TMEM278: variants seen among roughly 807,000 people sequenced by gnomAD.
TMEM278 encodes the protein transmembrane protein 278.
the TMEM278 span, among the ~76,000 whole-genome samples, chr1:1,428,738 C>T: frequency 2.6e-5 from 4 of 152,154 alleles, no homozygotes; most frequent in African/African-American, 7.2e-5. Flanking sequence ...CGGTGGCTCA[C>T]GCCTGTAATC....
the TMEM278 span, among the ~76,000 whole-genome samples, chr1:1,429,425 CTT>C: frequency 2.0e-5 from 3 of 151,204 alleles, no homozygotes; most frequent in Non-Finnish European, 2.9e-5. Context: ...TTTATGGTCT[CTT>C]GATACATGCT....
At chr1:1,427,978 A>G in the TMEM278 span, among the ~76,000 whole-genome samples, 1 of 107,360 alleles carries the variant, frequency 9.3e-6, no homozygotes, top group Admixed American at 9.6e-5. Context: ...GGAGGGGAAG[A>G]GAGGGGAGGG....
chr1:1,430,032 T>A, the TMEM278 span, among the ~76,000 whole-genome samples: 1 of 152,172 alleles, frequency 6.6e-6, no homozygotes, highest in Non-Finnish European at 1.5e-5. Flanking sequence ...TAATTTTAAA[T>A]TTTTTTGTAG....
chr1:1,427,793 C>G, the TMEM278 span: 25 of 1,377,784 alleles, frequency 1.8e-5, no homozygotes, highest in Non-Finnish European at 2.3e-5. Flanking sequence ...TGTGACCCGG[C>G]GGCCGCTGCG....
chr1:1,427,167 C>T, the TMEM278 span, among the ~76,000 whole-genome samples: 1 of 148,840 alleles, frequency 6.7e-6, no homozygotes, highest in Admixed American at 6.7e-5. Flanking sequence ...TCCTCTCTCC[C>T]GCCCTGCACC....
the TMEM278 span, chr1:1,426,207 G>A: frequency 1.4e-6 from 2 of 1,413,650 alleles, no homozygotes; most frequent in East Asian, 2.8e-5. Context: ...CTGCCCCGGG[G>A]ACCTCCCGAC....
the TMEM278 span, chr1:1,427,929 T>TCCCCCGCCCGCAGCCCCGCCCC: frequency 1.7e-6 from 1 of 577,238 alleles, no homozygotes; most frequent in African/African-American, 2.9e-5. Context: ...GACCCCGGCC[T>TCCCCCGCCCGCAGCCCCGCCCC]CCCCCGCCCG....
At chr1:1,426,238 G>T in the TMEM278 span, 9 of 1,460,582 alleles carry the variant, frequency 6.2e-6, no homozygotes, top group Non-Finnish European at 8.2e-6. Flanking sequence ...CAGCCCTGAC[G>T]TGCCCAGGGT....
the TMEM278 span, chr1:1,426,233 CT>C: frequency 6.9e-7 from 1 of 1,454,476 alleles, no homozygotes. Flanking sequence ...GGCCTCAGCC[CT>C]GACGTGCCCA....
the TMEM278 span, among the ~76,000 whole-genome samples, chr1:1,429,252 G>A: frequency 6.6e-6 from 1 of 151,980 alleles, no homozygotes. Context: ...GGAGGCTGAG[G>A]CACAAGAATC....
At chr1:1,426,287 G>C in the TMEM278 span, 1 of 1,496,748 alleles carries the variant, frequency 6.7e-7, no homozygotes, top group African/African-American at 1.4e-5. Flanking sequence ...GCTGCTGGCC[G>C]GGCTCCTGCT....
At chr1:1,426,464 C>G in the TMEM278 span, 7 of 1,209,170 alleles carry the variant, frequency 5.8e-6, no homozygotes, top group African/African-American at 1.6e-5. Context: ...GGCACTGTGC[C>G]CCCTTCCAGA....
the TMEM278 span, chr1:1,426,334 G>A: frequency 1.4e-6 from 2 of 1,452,188 alleles, no homozygotes; most frequent in Non-Finnish European, 1.8e-6. Flanking sequence ...TCCTGCTGGT[G>A]CTCCTGCCCG....
chr1:1,426,853 CA>C, the TMEM278 span, among the ~76,000 whole-genome samples: 2 of 152,018 alleles, frequency 1.3e-5, no homozygotes, highest in Non-Finnish European at 2.9e-5. Context: ...GGGCTGGCGC[CA>C]GCTGGTGATG....
At chr1:1,427,664 G>A in the TMEM278 span, 5 of 1,338,796 alleles carry the variant, frequency 3.7e-6, no homozygotes, top group South Asian at 1.8e-5. Flanking sequence ...TGCTCGCCTC[G>A]GCCGTCCGCG....
At chr1:1,428,763 A>G in the TMEM278 span, among the ~76,000 whole-genome samples, 26,560 of 152,072 alleles carry the variant, frequency 0.17, 4,522 homozygotes, top group African/African-American at 0.45. Context: ...CACTTTGGGA[A>G]GCCGAGGAGG....
chr1:1,426,721 C>T, the TMEM278 span, among the ~76,000 whole-genome samples: 1 of 152,054 alleles, frequency 6.6e-6, no homozygotes, highest in African/African-American at 2.4e-5. Flanking sequence ...TAACCCACAG[C>T]CCCCAGCCCC....
the TMEM278 span, among the ~76,000 whole-genome samples, chr1:1,426,946 C>G: frequency 6.6e-6 from 1 of 151,800 alleles, no homozygotes; most frequent in Non-Finnish European, 1.5e-5. Flanking sequence ...CCCTGCTCAG[C>G]CCTTTACCTG....
the TMEM278 span, among the ~76,000 whole-genome samples, chr1:1,426,997 GC>G: frequency 1.3e-5 from 2 of 150,794 alleles, no homozygotes; most frequent in South Asian, 4.2e-4. Context: ...GCACTGCCTG[GC>G]CCACAGCGGC....
Sources: gnomAD v4.1 joint callset for allele counts (sites outside exome capture counted in the v4.1 genomes callset) on GRCh38, gnomAD v4.1.1 for gene constraint, MANE v1.5 for transcripts, NCBI Gene and HGNC (gene_info 2026-07-23, HGNC 2026-07-21) for gene names.